Variants in CPAP observed in about 807,000 individuals in gnomAD.
The protein encoded by CPAP is centrosomal P4.1-associated protein.
At chr13:24,932,027 C>T in the CPAP span, among the ~76,000 whole-genome samples, 2 of 152,252 alleles carry the variant, frequency 1.3e-5, no homozygotes, top group Non-Finnish European at 2.9e-5. Context: ...TTCTGGGCGC[C>T]TTCTGGCGAC....
chr13:24,922,100 T>C, the CPAP span, among the ~76,000 whole-genome samples: 1 of 152,252 alleles, frequency 6.6e-6, no homozygotes. Context: ...GTGCCATTTT[T>C]ATTGTATAGC....
the CPAP span, among the ~76,000 whole-genome samples, chr13:24,920,763 A>T: frequency 0.015 from 2,246 of 150,712 alleles, 59 homozygotes; most frequent in African/African-American, 0.048. Context: ...TGGGACTACA[A>T]GCATGCACCA....
the CPAP span, among the ~76,000 whole-genome samples, chr13:24,895,084 G>A: frequency 6.6e-6 from 1 of 152,358 alleles, no homozygotes; most frequent in South Asian, 2.1e-4. Context: ...GCCAGGTCCC[G>A]GTGAGCACGG....
At chr13:24,924,632 T>G in the CPAP span, 1 of 152,220 alleles carries the variant, frequency 6.6e-6, no homozygotes, top group Non-Finnish European at 1.5e-5. Context: ...CCTATCCTTG[T>G]TGCATCTTCA....
At chr13:24,927,341 T>A in the CPAP span, among the ~76,000 whole-genome samples, 7 of 152,188 alleles carry the variant, frequency 4.6e-5, no homozygotes, top group African/African-American at 1.4e-4. Context: ...AACCCATGAA[T>A]TAATTGAGGA....
chr13:24,889,726 C>T, the CPAP span, among the ~76,000 whole-genome samples: 1 of 152,258 alleles, frequency 6.6e-6, no homozygotes, highest in East Asian at 1.9e-4. Context: ...GAGAACAAAG[C>T]CTCTCCTGGG....
chr13:24,931,043 C>T, the CPAP span, among the ~76,000 whole-genome samples: 1 of 152,286 alleles, frequency 6.6e-6, no homozygotes, highest in South Asian at 2.1e-4. Context: ...TTGCACTTCT[C>T]TGATGATTAG....
chr13:24,884,259 C>A, the CPAP span: 1 of 1,614,008 alleles, frequency 6.2e-7, no homozygotes, highest in African/African-American at 1.3e-5. Flanking sequence ...TAAAGACACA[C>A]AGTCAGTCTG....
chr13:24,906,392 G>A, the CPAP span: 1 of 1,612,778 alleles, frequency 6.2e-7, no homozygotes, highest in South Asian at 1.1e-5. Context: ...AGAAGATTCA[G>A]ACTCTTTCAT....
chr13:24,895,606 TAAAG>T, the CPAP span, among the ~76,000 whole-genome samples: 1,638 of 150,566 alleles, frequency 0.011, 35 homozygotes, highest in African/African-American at 0.036. Context: ...AGAAAGGAAA[TAAAG>T]AAAGAAAGCC....
the CPAP span, among the ~76,000 whole-genome samples, chr13:24,902,185 C>G: frequency 6.6e-6 from 1 of 151,732 alleles, no homozygotes; most frequent in South Asian, 2.1e-4. Context: ...TGTCTAAATT[C>G]GAGGACTGAA....
At chr13:24,901,804 G>A in the CPAP span, among the ~76,000 whole-genome samples, 2 of 152,060 alleles carry the variant, frequency 1.3e-5, no homozygotes, top group Non-Finnish European at 2.9e-5. Context: ...CCAGCCTGGG[G>A]AACATGGCAA....
chr13:24,925,149 T>C, the CPAP span, among the ~76,000 whole-genome samples: 1 of 151,662 alleles, frequency 6.6e-6, no homozygotes, highest in Non-Finnish European at 1.5e-5. Flanking sequence ...TTTTCATTAT[T>C]TATTTTTTTG....
the CPAP span, among the ~76,000 whole-genome samples, chr13:24,894,259 C>T: frequency 2.0e-5 from 3 of 152,196 alleles, no homozygotes; most frequent in African/African-American, 4.8e-5. Context: ...AGCGACGCCA[C>T]AGGGACGGGG....
chr13:24,906,048 C>T, the CPAP span: 2 of 1,614,000 alleles, frequency 1.2e-6, no homozygotes, highest in Non-Finnish European at 1.7e-6. Flanking sequence ...AATTCATCAG[C>T]TGAGGACAAT....
At chr13:24,918,165 A>G in the CPAP span, among the ~76,000 whole-genome samples, 1 of 152,240 alleles carries the variant, frequency 6.6e-6, no homozygotes, top group African/African-American at 2.4e-5. Flanking sequence ...GGAAGACTCA[A>G]GTGGAGATGC....
chr13:24,893,516 C>T, the CPAP span, among the ~76,000 whole-genome samples: 1 of 152,238 alleles, frequency 6.6e-6, no homozygotes, highest in Non-Finnish European at 1.5e-5. Context: ...CCTCAGTAAT[C>T]CCTGCGGCAG....
the CPAP span, chr13:24,886,059 T>C: frequency 2.7e-5 from 10 of 364,282 alleles, no homozygotes. Context: ...GGCTATGGTA[T>C]AAACTTTTTG....
the CPAP span, chr13:24,905,483 CTCAAG>C: frequency 6.2e-7 from 1 of 1,614,178 alleles, no homozygotes; most frequent in South Asian, 1.1e-5. Flanking sequence ...CCTGGACTTG[CTCAAG>C]TCTTCTCCCC....
Sources: allele counts gnomAD v4.1 joint callset (sites outside exome capture counted in the v4.1 genomes callset), GRCh38; gene constraint gnomAD v4.1.1; transcripts MANE v1.5; gene names NCBI Gene and HGNC (gene_info 2026-07-23, HGNC 2026-07-21).